Variants in ARID1B observed in about 807,000 individuals in gnomAD.
The protein encoded by ARID1B is AT-rich interaction domain 1B.
Under a neutral mutation model 212.3 loss-of-function variants are expected in ARID1B, and 30 were observed. The observed-to-expected ratio is 0.14, with a 90% CI of 0.11 to 0.19. The LOEUF is 0.19. Among genes scored for constraint, ARID1B ranks in the 10% least tolerant of loss-of-function variants. The pLI is 1.00. For missense variants in ARID1B, 2,891 were observed against 3,204.0 expected, an observed-to-expected ratio of 0.90 and a Z score of 2.36; for synonymous variants, 1,402 against 1,301.7, an observed-to-expected ratio of 1.08 and a Z score of -1.66.
intron 3 of ARID1B, among the ~76,000 whole-genome samples, chr6:156,908,967 C>A (rs981463454): frequency 5.3e-5 from 8 of 152,018 alleles, no homozygotes; most frequent in African/African-American, 1.4e-4. Flanking sequence ...TTTAATATTA[C>A]CAATATTTTC....
intron 12 of ARID1B, 93 bp from the exon 13 acceptor site, chr6:157,184,138 A>C: frequency 8.6e-7 from 1 of 1,163,196 alleles, no homozygotes; most frequent in Non-Finnish European, 1.2e-6. Context: ...AAATGAAGAA[A>C]AGTCAACCAA....
chr6:156,849,443 A>C (rs1784436083), intron 2 of ARID1B, among the ~76,000 whole-genome samples: 1 of 152,240 alleles, frequency 6.6e-6, no homozygotes. Flanking sequence ...TTTTCAGGCT[A>C]TACCCCACAG....
At position 157,167,192 on chromosome 6, in the gene ARID1B, T is replaced by C. The variant is rs367584953; in HGVS notation, c.3235+7T>C. ...ATGGTGAACAGCTCGGCAGGTAACCTTGGCAGCTCTGCGCTCCTGAGCCCC... is the reference window on the plus strand; with the variant it reads ...ATGGTGAACAGCTCGGCAGGTAACCCTGGCAGCTCTGCGCTCCTGAGCCCC... On this transcript the variant is annotated splice_region_variant and intron_variant, in intron 9 of 19. Coordinates refer to ENST00000636930, the MANE Select transcript of ARID1B (RefSeq NM_001374828.1). 6.2e-7 allele frequency: 1 copy of C among 1,603,730 alleles called. No homozygotes were observed. Among genetic ancestry groups the C allele is most frequent in the East Asian group, 2.2e-5 (1 of 44,670 alleles).
chr6:157,055,017 A>G (rs1392441966), intron 4 of ARID1B, among the ~76,000 whole-genome samples: 1 of 152,240 alleles, frequency 6.6e-6, no homozygotes, highest in Admixed American at 6.5e-5. Flanking sequence ...AGGAGGGAAC[A>G]GAACTCACCA....
chr6:156,778,007 G>A lies in ARID1B; in HGVS notation c.327G>A (p.Lys109=), dbSNP rs1778758752. The A allele has an allele frequency of 1.4e-5, 22 of 1,532,600 alleles. No individual in the cohort carries two copies. Among genetic ancestry groups the A allele is most frequent in the Non-Finnish European group, 1.8e-5 (21 of 1,145,166 alleles). The allele number at this position is 1,532,600 out of a possible 1,614,324, so 94.9% of individuals were successfully genotyped here. A position where few individuals can be genotyped will look rare whatever the true frequency, so the allele number is the denominator to read the frequency against. Reference sequence around the variant, plus strand: ...GCGGCGGCTCCGAGGCGGCTCTCAAGGAGGGTGGAAGCGCCGCCGCGCTGT... The same window carrying A: ...GCGGCGGCTCCGAGGCGGCTCTCAAAGAGGGTGGAAGCGCCGCCGCGCTGT... ...AKSGGSEAAL[K]EGGSAAALSS... is the part of the protein sequence containing the mutation. Residue 109 remains lysine (K), a synonymous_variant, in exon 1 of 20, where the codon AAG becomes AAA. Transcript: ENST00000636930.
intron 2 of ARID1B, among the ~76,000 whole-genome samples, chr6:156,854,959 G>C (rs530042701): frequency 5.3e-5 from 8 of 152,328 alleles, no homozygotes; most frequent in African/African-American, 1.4e-4. Flanking sequence ...TCAATTACTA[G>C]GCAGTTTTTG....
rs2128391595 is a variant in ARID1B, at chr6:157,206,287, G to A, written c.5515G>A (p.Ala1839Thr). ...PSQKALDHNA[A>T]RKDDSQSLAD... Reference sequence around the variant, plus strand: ...CCAAAAAGCACTTGATCACAACGCAGCAAGGAAGGATGACAGCCAGTCCTT... The same window carrying A: ...CCAAAAAGCACTTGATCACAACGCAACAAGGAAGGATGACAGCCAGTCCTT... Residue 1839 changes from alanine to threonine, a missense_variant, in exon 20 of 20, where the codon GCA (alanine) becomes ACA (threonine). By Grantham distance (58) the Ala-to-Thr change is moderately conservative. Transcript: ENST00000636930. This position sits in a 1 kb window ranked among gnomAD's most constrained non-coding sequence, Gnocchi z 6.8. 1.2e-6 allele frequency: 2 copies of A among 1,614,222 alleles called. No individual in the cohort carries two copies. The highest frequency in any genetic ancestry group is 2.2e-5 in the East Asian group (1 of 44,888).
At chr6:156,896,403 C>G (rs1209629807) in intron 2 of ARID1B, among the ~76,000 whole-genome samples, 4 of 151,356 alleles carry the variant, frequency 2.6e-5, no homozygotes, top group Admixed American at 2.0e-4. Flanking sequence ...ATGATGAAAC[C>G]CATCTCTACT....
chr6:157,019,675 G>A (rs1241022257), intron 4 of ARID1B, among the ~76,000 whole-genome samples: 1 of 152,078 alleles, frequency 6.6e-6, no homozygotes, highest in African/African-American at 2.4e-5. Context: ...AGGCTCTATC[G>A]TCCTTTGTGA....
chr6:157,048,151 A>G (rs1782361103), intron 4 of ARID1B, among the ~76,000 whole-genome samples: 1 of 152,206 alleles, frequency 6.6e-6, no homozygotes, highest in Admixed American at 6.5e-5. Flanking sequence ...AATTTTTGCA[A>G]GTCAGTTGAG....
intron 4 of ARID1B, among the ~76,000 whole-genome samples, chr6:157,006,434 T>C (rs1298826942): frequency 2.0e-5 from 3 of 152,218 alleles, no homozygotes; most frequent in Admixed American, 1.3e-4. Flanking sequence ...GTTGAAATTA[T>C]ATTGTTTTAT....
chr6:156,819,443 A>G (rs1046040330), intron 1 of ARID1B, among the ~76,000 whole-genome samples: 5 of 152,222 alleles, frequency 3.3e-5, no homozygotes, highest in African/African-American at 1.2e-4. Context: ...TGTTCATAAA[A>G]TTATTACATT....
intron 3 of ARID1B, 49 bp from the exon 4 acceptor site, chr6:156,935,417 A>C: frequency 6.8e-7 from 1 of 1,469,010 alleles, no homozygotes; most frequent in Non-Finnish European, 9.5e-7. Flanking sequence ...AGAAGCTTAT[A>C]ACTCATTGAG....
intron 1 of ARID1B, among the ~76,000 whole-genome samples, chr6:156,809,316 T>C (rs1392181287): frequency 6.6e-6 from 1 of 152,202 alleles, no homozygotes; most frequent in Non-Finnish European, 1.5e-5. Context: ...CAGGATGTTA[T>C]AATGGGATAT....
chr6:156,848,810 G>C (rs1236872744), intron 2 of ARID1B, among the ~76,000 whole-genome samples: 1 of 152,212 alleles, frequency 6.6e-6, no homozygotes, highest in Non-Finnish European at 1.5e-5. Flanking sequence ...CAGAAGTGTG[G>C]GGAGGCCCTG....
Position 157,190,917 on chromosome 6 carries a change from G to A in ARID1B, c.4231+707G>A, listed in dbSNP as rs1473324374. Among the ~76,000 whole-genome samples, 1 of 152,000 alleles carries A rather than the reference G, an allele frequency of 6.6e-6. No individual in the cohort carries two copies. Among genetic ancestry groups the A allele is most frequent in the African/African-American group, 2.4e-5 (1 of 41,392 alleles). On this transcript the variant is annotated intron_variant, in intron 15 of 19. Transcript: ENST00000636930. This position sits in a 1 kb window ranked among gnomAD's most constrained non-coding sequence, Gnocchi z 4.6. ...CCTGAGGACCTGTCATGGGGGTGGT[G>A]GTGGGAATGAGCTTGGTGTATGAGG...
intron 3 of ARID1B, among the ~76,000 whole-genome samples, chr6:156,902,972 G>A (rs901565391): frequency 2.6e-5 from 4 of 152,162 alleles, no homozygotes; most frequent in African/African-American, 9.6e-5. Flanking sequence ...GACACAGAGT[G>A]TTTTGTCATG....
At chr6:157,186,882 G>T (rs1793013163) in intron 13 of ARID1B, among the ~76,000 whole-genome samples, 1 of 152,186 alleles carries the variant, frequency 6.6e-6, no homozygotes, top group Non-Finnish European at 1.5e-5. Flanking sequence ...CTCTAGTCAG[G>T]TTTCAATTTG....
chr6:156,778,727 GCACTCC>G lies in ARID1B; in HGVS notation c.1048_1053del (p.His350_Ser351del). 6.6e-7 allele frequency: 1 copy of G among 1,524,734 alleles called. No homozygotes were observed. Among genetic ancestry groups the G allele is most frequent in the South Asian group, 1.2e-5 (1 of 81,948 alleles). The allele number at this position is 1,524,734 out of a possible 1,614,324, so 94.5% of individuals were successfully genotyped here. On this transcript the variant is annotated inframe_deletion, in exon 1 of 20. Coordinates refer to ENST00000636930, the MANE Select transcript of ARID1B (RefSeq NM_001374828.1). ...AACAAAGCCCCGGGATGGGGATGAT[GCACTCC>G]GCCTCCGCCGCCGCCGCCGGGGCCC...
Sources: allele counts gnomAD v4.1 joint callset (sites outside exome capture counted in the v4.1 genomes callset), GRCh38; gene constraint gnomAD v4.1.1; non-coding constraint Gnocchi (gnomAD v3.1); transcripts MANE v1.5; gene names NCBI Gene and HGNC (gene_info 2026-07-23, HGNC 2026-07-21).